TTLL6: variants seen among roughly 807,000 people sequenced by gnomAD.
TTLL6 encodes tubulin tyrosine ligase like 6, also known as tubulin polyglutamylase TTLL6.
A neutral mutation model predicts 96.4 loss-of-function variants in TTLL6; 75 were observed. That is an observed-to-expected ratio of 0.78 (90% confidence interval 0.65 to 0.94). The LOEUF (loss-of-function observed/expected upper bound fraction) is 0.94, where lower values mean the gene tolerates loss of function less well. TTLL6 is among the 40% of genes least tolerant of loss of function. The probability of loss-of-function intolerance (pLI) is 0.00; values close to 1 mark genes in which losing one functional copy is unlikely to be tolerated. For synonymous variants in TTLL6, 411 were observed against 419.4 expected (o/e 0.98, Z 0.24); for missense variants, 1,030 against 1,093.0 (o/e 0.94, Z 0.81).
chr17:48,786,703 G>A (rs1033689756), intron 11 of TTLL6, among the ~76,000 whole-genome samples: 3 of 152,204 alleles, frequency 2.0e-5, no homozygotes, highest in Admixed American at 6.5e-5. Context: ...CTCATATTGC[G>A]CCATTTCATG....
chr17:48,780,385 G>A (rs547978350), intron 13 of TTLL6, among the ~76,000 whole-genome samples: 17 of 152,154 alleles, frequency 1.1e-4, no homozygotes, highest in African/African-American at 4.1e-4. Flanking sequence ...GGAAAACTGA[G>A]GTTTAGGGAA....
chr17:48,774,233 G>GTTT (rs1218981467), intron 13 of TTLL6, among the ~76,000 whole-genome samples: 10 of 112,924 alleles, frequency 8.9e-5, no homozygotes, highest in Non-Finnish European at 1.6e-4. Context: ...CAGGTTTGTT[G>GTTT]TTTTTTTTTT....
At chr17:48,795,642 A>C (rs901789528) in intron 8 of TTLL6, among the ~76,000 whole-genome samples, 1 of 152,162 alleles carries the variant, frequency 6.6e-6, no homozygotes, top group Non-Finnish European at 1.5e-5. Context: ...TCATTTGAGA[A>C]TCTCTAATGG....
intron 13 of TTLL6, among the ~76,000 whole-genome samples, chr17:48,776,034 A>G (rs1457381145): frequency 6.6e-6 from 1 of 152,210 alleles, no homozygotes; most frequent in Admixed American, 6.5e-5. Flanking sequence ...ACGTTGTACC[A>G]GAAGTCCTAG....
intron 1 of TTLL6, among the ~76,000 whole-genome samples, chr17:48,805,773 G>C (rs2039496274): frequency 1.3e-5 from 2 of 152,018 alleles, no homozygotes. Context: ...AGACGTTTGA[G>C]ACCAGCCTGG....
chr17:48,780,272 C>T (rs2038960738), intron 13 of TTLL6, among the ~76,000 whole-genome samples: 1 of 152,082 alleles, frequency 6.6e-6, no homozygotes, highest in African/African-American at 2.4e-5. Context: ...CAGCGAACTC[C>T]TGACCTCAAA....
At chr17:48,766,129 TCTCC>T (rs976727186) in intron 15 of TTLL6, among the ~76,000 whole-genome samples, 8 of 152,112 alleles carry the variant, frequency 5.3e-5, no homozygotes, top group African/African-American at 1.9e-4. Flanking sequence ...ATGGGGAAGT[TCTCC>T]CTGTTTCCCA....
chr17:48,767,252 C>A (rs576922763), intron 15 of TTLL6, among the ~76,000 whole-genome samples: 96 of 152,270 alleles, frequency 6.3e-4, no homozygotes, highest in African/African-American at 2.1e-3. Context: ...CCCAGGGCCC[C>A]TTCCCAGCCC....
At chr17:48,794,124 G>C (rs536625122) in intron 8 of TTLL6, 3 of 1,596,270 alleles carry the variant, frequency 1.9e-6, no homozygotes, top group Non-Finnish European at 2.6e-6. Context: ...AAGTACAGTG[G>C]GGTGAGAGGG....
intron 3 of TTLL6, among the ~76,000 whole-genome samples, chr17:48,802,774 G>A (rs1403910593): frequency 1.3e-5 from 2 of 152,244 alleles, no homozygotes; most frequent in Non-Finnish European, 2.9e-5. Flanking sequence ...AGGAGGCTGA[G>A]GCAGGAGAAT....
intron 10 of TTLL6, among the ~76,000 whole-genome samples, chr17:48,788,665 A>C (rs1481434276): frequency 6.6e-6 from 1 of 152,164 alleles, no homozygotes; most frequent in Non-Finnish European, 1.5e-5. Flanking sequence ...CGGCAGACTC[A>C]CTGGGCTCTG....
chr17:48,766,538 T>C (rs2038610142), intron 15 of TTLL6, among the ~76,000 whole-genome samples: 2 of 152,200 alleles, frequency 1.3e-5, no homozygotes, highest in African/African-American at 4.8e-5. Flanking sequence ...ATACAAGTTT[T>C]CATTGTAATG....
intron 1 of TTLL6, among the ~76,000 whole-genome samples, chr17:48,808,750 T>C (rs906772390): frequency 6.6e-6 from 1 of 152,076 alleles, no homozygotes; most frequent in African/African-American, 2.4e-5. Context: ...TTTGTATTTT[T>C]AGTAGAGACA....
rs1248487182 is a variant in TTLL6, at chr17:48,810,802, ATACACATATATAGTATGTGTGTG to A, written c.104-5834_104-5812del. On this transcript the variant is annotated intron_variant, in intron 1 of 15. Transcript: ENST00000393382. ...GTGTGTATATATATATAGTACATAT[ATACACATATATAGTATGTGTGTG>A]TATATATATATATATATATATATAT... Among the ~76,000 whole-genome samples the A allele has an allele frequency of 5.1e-3, 317 of 61,920 alleles. 13 individuals carry two copies. Among genetic ancestry groups the A allele is most frequent in the South Asian group, 0.011 (27 of 2,438 alleles). 40.6% of individuals were successfully genotyped at this position (61,920 alleles called of 152,430 possible).
intron 11 of TTLL6, 49 bp from the exon 12 acceptor site, chr17:48,786,384 G>A (rs772503130): frequency 1.2e-5 from 20 of 1,607,994 alleles, no homozygotes; most frequent in East Asian, 2.2e-5. Flanking sequence ...AATGCGCTGC[G>A]CAGGCAGGCA....
At chr17:48,816,875 G>A (rs2039674795) in intron 1 of TTLL6, 95 bp downstream of exon 1, 1 of 932,502 alleles carries the variant, frequency 1.1e-6, no homozygotes, top group Middle Eastern at 2.8e-4. Flanking sequence ...TGGGTCCCGT[G>A]TGGGTTTAAG....
intron 6 of TTLL6, 61 bp from the exon 7 acceptor site, chr17:48,797,265 C>T: frequency 6.7e-7 from 1 of 1,490,328 alleles, no homozygotes; most frequent in Non-Finnish European, 9.0e-7. Flanking sequence ...TTGAAAATCA[C>T]TAGCTCCCGC....
At chr17:48,763,400 A>C (rs553865818) in intron 15 of TTLL6, among the ~76,000 whole-genome samples, 2 of 152,196 alleles carry the variant, frequency 1.3e-5, no homozygotes, top group Non-Finnish European at 2.9e-5. Context: ...CATCAGCACA[A>C]TATCATCCTC....
At chr17:48,793,815 G>T (rs2039270872) in intron 8 of TTLL6, among the ~76,000 whole-genome samples, 3 of 152,166 alleles carry the variant, frequency 2.0e-5, no homozygotes, top group African/African-American at 7.2e-5. Flanking sequence ...TAGTGTTGTT[G>T]TGAGGAGGAT....
Sources: gnomAD v4.1 joint callset for allele counts (sites outside exome capture counted in the v4.1 genomes callset) on GRCh38, gnomAD v4.1.1 for gene constraint, MANE v1.5 for transcripts, NCBI Gene and HGNC (gene_info 2026-07-23, HGNC 2026-07-21) for gene names.